The following SNX29 variants were observed in gnomAD, a reference collection of about 807,000 sequenced individuals.
SNX29 encodes sorting nexin-29.
In SNX29, 78 loss-of-function variants were observed where a neutral mutation model predicts 102.1. The ratio of observed to expected loss-of-function variants is 0.76; its 90% confidence interval spans 0.64 to 0.92. SNX29 has a LOEUF of 0.92. SNX29 is among the 40% of genes least tolerant of loss of function. The pLI, the probability that SNX29 is intolerant of heterozygous loss-of-function variation, is 0.00. For synonymous variants in SNX29, 580 were observed against 414.5 expected (o/e 1.40, Z -4.85); for missense variants, 1,280 against 1,061.7 (o/e 1.21, Z -2.86).
chr16:12,272,309 G>A (rs986738708), intron 14 of SNX29, among the ~76,000 whole-genome samples: 3 of 152,210 alleles, frequency 2.0e-5, no homozygotes, highest in African/African-American at 7.2e-5. Flanking sequence ...ACTTGAAGCG[G>A]GTTGAATGAA....
chr16:12,535,971 G>T (rs2077066016), intron 20 of SNX29, among the ~76,000 whole-genome samples: 2 of 152,284 alleles, frequency 1.3e-5, no homozygotes, highest in South Asian at 4.1e-4. Context: ...TTTGACCCCG[G>T]CTGAGAAAAG....
At chr16:12,545,860 GAGGGTGAGCCTAAGCCGTGGGCATT>G (rs2077574863) in intron 20 of SNX29, among the ~76,000 whole-genome samples, 1 of 152,158 alleles carries the variant, frequency 6.6e-6, no homozygotes, top group Non-Finnish European at 1.5e-5. Context: ...CTCTCCTTGA[GAGGGTGAGCCTAAGCCGTGGGCATT>G]GGGGTGGGGT....
intron 19 of SNX29, among the ~76,000 whole-genome samples, chr16:12,510,227 G>A (rs1420293322): frequency 1.3e-5 from 2 of 152,224 alleles, no homozygotes; most frequent in African/African-American, 4.8e-5. Flanking sequence ...TGTTTAATTT[G>A]ACCAAATATT....
At chr16:12,078,800 G>C in intron 10 of SNX29, 33 bp from the exon 11 acceptor site, 1 of 1,564,970 alleles carries the variant, frequency 6.4e-7, no homozygotes, top group Non-Finnish European at 8.7e-7. Context: ...TTCAGTGGCC[G>C]AGTGTAACTT....
At chr16:12,340,964 C>G (rs189948301) in intron 15 of SNX29, among the ~76,000 whole-genome samples, 1 of 152,308 alleles carries the variant, frequency 6.6e-6, no homozygotes, top group East Asian at 1.9e-4. Context: ...GTTATGAGAA[C>G]TCATCCTACA....
rs141609800 is a variant in SNX29 at position 12,470,847 on chromosome 16, A to G, written c.2038-6872A>G. 8.0e-3 allele frequency among the ~76,000 whole-genome samples: 1,216 copies of G among 152,320 alleles called. 7 individuals are homozygous for G. Among genetic ancestry groups the G allele is most frequent in the Middle Eastern group, 0.017 (5 of 294 alleles). On this transcript the variant is annotated intron_variant, in intron 18 of 20. Transcript: ENST00000566228. The stretch of plus-strand genomic sequence containing the variant: ...GATGATGAAGGTGATAAGGGTTACA[A>G]TATTAACAGCTGCCATTGCTTATTG...
intron 20 of SNX29, among the ~76,000 whole-genome samples, chr16:12,563,040 C>T (rs537121745): frequency 3.3e-5 from 5 of 152,182 alleles, no homozygotes; most frequent in African/African-American, 1.2e-4. Context: ...TTGCAAGGGC[C>T]AAGGTCACCT....
At chr16:12,349,806 T>C (rs1221259850) in intron 15 of SNX29, among the ~76,000 whole-genome samples, 1 of 152,216 alleles carries the variant, frequency 6.6e-6, no homozygotes, top group Non-Finnish European at 1.5e-5. Context: ...TACTTGTTTT[T>C]CATAATTATT....
At chr16:12,141,858 G>A (rs2054880373) in intron 13 of SNX29, among the ~76,000 whole-genome samples, 1 of 152,140 alleles carries the variant, frequency 6.6e-6, no homozygotes, top group Admixed American at 6.6e-5. Flanking sequence ...TGTATCTAAT[G>A]ACACCAGTCC....
At chr16:12,229,730 G>C (rs753444311) in intron 14 of SNX29, among the ~76,000 whole-genome samples, 1 of 152,056 alleles carries the variant, frequency 6.6e-6, no homozygotes, top group Non-Finnish European at 1.5e-5. Flanking sequence ...GCTGTTCTTG[G>C]GGTAGTGCCT....
chr16:12,535,167 C>G (rs555785015), intron 20 of SNX29, among the ~76,000 whole-genome samples: 41 of 152,326 alleles, frequency 2.7e-4, no homozygotes, highest in East Asian at 1.9e-4. Flanking sequence ...GAGACAGAGT[C>G]TCACTCTGTC....
chr16:12,335,203 G>C (rs1265785224), intron 15 of SNX29, among the ~76,000 whole-genome samples: 1 of 152,076 alleles, frequency 6.6e-6, no homozygotes, highest in African/African-American at 2.4e-5. Flanking sequence ...AAATGTCTGA[G>C]TTATAGATCT....
intron 18 of SNX29, among the ~76,000 whole-genome samples, chr16:12,417,930 G>A (rs1203065877): frequency 6.6e-6 from 1 of 152,124 alleles, no homozygotes; most frequent in African/African-American, 2.4e-5. Flanking sequence ...ATGGCTTCTT[G>A]GTACTCCGCA....
chr16:12,013,497 AAAAATATAT>A (rs1420837035), intron 3 of SNX29, among the ~76,000 whole-genome samples: 3 of 63,324 alleles, frequency 4.7e-5, no homozygotes, highest in African/African-American at 2.3e-4. Context: ...GGAAAAAAAA[AAAAATATAT>A]ATATATATAT....
chr16:12,572,263 T>TA lies in SNX29; in HGVS notation c.*3635dup. On this transcript the variant is annotated 3_prime_UTR_variant, in exon 21 of 21. Transcript: ENST00000566228. ...ACCAGGTGGATTGATACCATGGCTGTAGCTGATGCAACTAACAAGTACTGG... is the reference window on the plus strand; with the variant it reads ...ACCAGGTGGATTGATACCATGGCTGTAAGCTGATGCAACTAACAAGTACTGG... 3.8e-6 allele frequency: 4 copies of TA among 1,058,966 alleles called. No individual in the cohort carries two copies. Among genetic ancestry groups the TA allele is most frequent in the Non-Finnish European group, 4.6e-6 (4 of 874,334 alleles). The allele number at this position is 1,058,966 out of a possible 1,614,324, so 65.6% of individuals were successfully genotyped here. A position where few individuals can be genotyped will look rare whatever the true frequency, so the allele number is the denominator to read the frequency against.
rs188629799 is a variant in SNX29, at chr16:12,542,016, C to T, written c.2318+17175C>T. Among the ~76,000 whole-genome samples the T allele has an allele frequency of 1.0e-3, 154 of 152,232 alleles. 1 individual carries two copies. The highest frequency in any genetic ancestry group is 3.2e-3 in the African/African-American group (131 of 41,530). On this transcript the variant is annotated intron_variant, in intron 20 of 20. Transcript: ENST00000566228. ...CCAGAAGGGCTCACGTTTGCAGCACCGCTCTGTTTTTTCTTTTTTTAATTA... is the reference window on the plus strand; with the variant it reads ...CCAGAAGGGCTCACGTTTGCAGCACTGCTCTGTTTTTTCTTTTTTTAATTA...
Position 12,347,914 on chromosome 16 carries a change from CA to C in SNX29, c.1783-8233del, listed in dbSNP as rs386384275. On this transcript the variant is annotated intron_variant, in intron 15 of 20. Transcript: ENST00000566228. Reference sequence around the variant, plus strand: ...GAAACGTAGCCATATCCTGTCTTTACAAAAAAAAAAAAAAAATAGGTGAGCA... The same window carrying C: ...GAAACGTAGCCATATCCTGTCTTTACAAAAAAAAAAAAAAATAGGTGAGCA... Among the ~76,000 whole-genome samples, 810 of 121,070 alleles carry C rather than the reference CA, an allele frequency of 6.7e-3. 5 individuals carry two copies. Among genetic ancestry groups the C allele is most frequent in the African/African-American group, 0.017 (547 of 32,312 alleles). 79.4% of individuals were successfully genotyped at this position (121,070 alleles called of 152,430 possible).
chr16:12,217,643 T>G (rs912728878), intron 14 of SNX29, among the ~76,000 whole-genome samples: 30 of 152,332 alleles, frequency 2.0e-4, no homozygotes, highest in Non-Finnish European at 2.9e-5. Flanking sequence ...CCAGCTGCTT[T>G]TAGTCCCATG....
intron 19 of SNX29, among the ~76,000 whole-genome samples, chr16:12,497,665 C>T (rs375421018): frequency 6.6e-6 from 1 of 152,134 alleles, no homozygotes; most frequent in Admixed American, 6.5e-5. Context: ...TGTATCTGTT[C>T]CTGTTTTTTT....
Sources: gnomAD v4.1 joint callset for allele counts (sites outside exome capture counted in the v4.1 genomes callset) on GRCh38, gnomAD v4.1.1 for gene constraint, MANE v1.5 for transcripts, NCBI Gene and HGNC (gene_info 2026-07-23, HGNC 2026-07-21) for gene names.